The following MAP1B variants were observed in gnomAD, a reference collection of about 807,000 sequenced individuals.
MAP1B encodes microtubule-associated protein 1B.
In MAP1B, 12 loss-of-function variants were observed where a neutral mutation model predicts 176.1. The ratio of observed to expected loss-of-function variants is 0.07; its 90% CI spans 0.04 to 0.11. MAP1B has a LOEUF of 0.11. MAP1B is among the 10% of genes least tolerant of loss of function. MAP1B has a pLI of 1.00. For synonymous variants in MAP1B, 1,044 were observed against 1,135.0 expected (o/e 0.92, Z 1.61); for missense variants, 2,523 against 2,990.5 (o/e 0.84, Z 3.65).
chr5:72,156,151 A>G (rs1289573086), intron 2 of MAP1B, among the ~76,000 whole-genome samples: 1 of 152,114 alleles, frequency 6.6e-6, no homozygotes, highest in Non-Finnish European at 1.5e-5. Context: ...CTCCTTCAGA[A>G]ACACTGGTTT....
intron 4 of MAP1B, among the ~76,000 whole-genome samples, chr5:72,189,643 T>C (rs1412706137): frequency 6.6e-6 from 1 of 151,830 alleles, no homozygotes; most frequent in Admixed American, 6.6e-5. Context: ...TGCACTCAGT[T>C]ATAATCTGCA....
chr5:72,180,010 A>T, intron 2 of MAP1B: 3 of 805,918 alleles, frequency 3.7e-6, no homozygotes, highest in Non-Finnish European at 4.5e-6. Flanking sequence ...GCCAGGGGCC[A>T]CCTCGGCAGC....
intron 2 of MAP1B, among the ~76,000 whole-genome samples, chr5:72,125,240 T>C (rs1745606496): frequency 6.6e-6 from 1 of 152,088 alleles, no homozygotes. Flanking sequence ...TTGAAAGTGG[T>C]ATTTGGTGTG....
At chr5:72,109,677 A>G (rs1018129936) in intron 1 of MAP1B, among the ~76,000 whole-genome samples, 1 of 152,236 alleles carries the variant, frequency 6.6e-6, no homozygotes, top group Non-Finnish European at 1.5e-5. Context: ...CACAGCACTC[A>G]TAAGTGACAG....
chr5:72,155,142 A>T (rs537274085), intron 2 of MAP1B, among the ~76,000 whole-genome samples: 6 of 152,294 alleles, frequency 3.9e-5, no homozygotes, highest in African/African-American at 1.4e-4. Flanking sequence ...TATTTTCTAA[A>T]CTTTTTATCT....
Position 72,195,608 on chromosome 5 carries a change from A to G in MAP1B, c.2253A>G (p.Lys751=), listed in dbSNP as rs145701299. The G allele has an allele frequency of 1.0e-4, 167 of 1,614,120 alleles. No individual in the cohort carries two copies. Among genetic ancestry groups the G allele is most frequent in the Non-Finnish European group, 1.3e-4 (155 of 1,180,052 alleles). Residue 751 remains lysine (K), a synonymous_variant, in exon 5 of 7, where the codon AAA becomes AAG. Coordinates refer to ENST00000296755, the MANE Select transcript of MAP1B (RefSeq NM_005909.5). ...KSSTPLSEAK[K]PAALKPKVPK... Reference sequence around the variant, plus strand: ...CTACTCCTCTGTCTGAAGCAAAAAAACCAGCTGCTTTAAAACCAAAAGTAC... The same window carrying G: ...CTACTCCTCTGTCTGAAGCAAAAAAGCCAGCTGCTTTAAAACCAAAAGTAC...
At chr5:72,201,789 G>T (rs1002518459) in intron 5 of MAP1B, among the ~76,000 whole-genome samples, 3 of 152,116 alleles carry the variant, frequency 2.0e-5, no homozygotes, top group African/African-American at 7.2e-5. Flanking sequence ...TAAACAATAT[G>T]GAGTATCAAT....
At chr5:72,157,154 C>T (rs1456766109) in intron 2 of MAP1B, among the ~76,000 whole-genome samples, 4 of 152,180 alleles carry the variant, frequency 2.6e-5, no homozygotes, top group African/African-American at 7.2e-5. Context: ...TAATTGTAAC[C>T]GTATGCAAAT....
At chr5:72,115,415 C>T (rs1439944580) in intron 1 of MAP1B, among the ~76,000 whole-genome samples, 2 of 152,180 alleles carry the variant, frequency 1.3e-5, no homozygotes, top group Non-Finnish European at 2.9e-5. Flanking sequence ...CTGTCATTTT[C>T]CTAACAACTG....
Position 72,186,829 on chromosome 5 carries a change from G to A in MAP1B, c.510+75G>A. ...AGGTTCCTCTTTGAGAGCACTGGGG[G>A]AGACAAAAGAAGAAGGGAGGGAACC... On this transcript the variant is annotated intron_variant, in intron 4 of 6. Transcript: ENST00000296755. The surrounding 1 kb of genome is among the most constrained non-coding windows in gnomAD (Gnocchi z 4.3). The A allele has an allele frequency of 1.3e-6, 2 of 1,548,624 alleles. No homozygotes were observed. Among genetic ancestry groups the A allele is most frequent in the South Asian group, 1.1e-5 (1 of 88,162 alleles).
chr5:72,111,908 T>C (rs1384205328), intron 1 of MAP1B, among the ~76,000 whole-genome samples: 1 of 152,174 alleles, frequency 6.6e-6, no homozygotes, highest in East Asian at 1.9e-4. Flanking sequence ...TGTAAGATAT[T>C]ATCGTCATTA....
In MAP1B at chr5:72,203,778, G is replaced by T. The variant is rs1212422091; in HGVS notation, c.7228G>T (p.Ala2410Ser). Reference protein sequence around the residue: ...AVLDALLEGKAQWGSNMQVTL... With the variant: ...AVLDALLEGKSQWGSNMQVTL... Reference sequence around the variant, plus strand: ...CCTGGACGCTTTGTTGGAAGGAAAGGCTCAGTGGGGCAGCAACATGCAGGT... The same window carrying T: ...CCTGGACGCTTTGTTGGAAGGAAAGTCTCAGTGGGGCAGCAACATGCAGGT... Residue 2410 changes from alanine (A) to serine (S), a missense_variant, in exon 6 of 7, where the codon GCT becomes TCT. Coordinates refer to ENST00000296755, the MANE Select transcript of MAP1B (RefSeq NM_005909.5). The T allele has an allele frequency of 5.6e-6, 9 of 1,612,534 alleles. No individual in the cohort carries two copies. The highest frequency in any genetic ancestry group is 2.2e-5 in the East Asian group (1 of 44,892).
chr5:72,207,860 C>A lies in MAP1B; in HGVS notation c.*2621C>A, dbSNP rs930391. The A allele has an allele frequency of 0.89, 135,966 of 152,236 alleles. 61,133 individuals are homozygous for A. The highest frequency in any genetic ancestry group is 1 in the East Asian group (5,178 of 5,192). 9.4% of individuals were successfully genotyped at this position (152,236 alleles called of 1,614,324 possible). A position where few individuals can be genotyped will look rare whatever the true frequency, so the allele number is the denominator to read the frequency against. On this transcript the variant is annotated 3_prime_UTR_variant, in exon 7 of 7. Coordinates refer to ENST00000296755, the MANE Select transcript of MAP1B (RefSeq NM_005909.5). ...AATTTCACAATTAAATGTATTTAAC[C>A]TGAACATTATTTTGCTTTAAAAACT...
intron 2 of MAP1B, among the ~76,000 whole-genome samples, chr5:72,141,919 C>T (rs910188587): frequency 6.6e-6 from 1 of 152,216 alleles, no homozygotes. Flanking sequence ...CTGACCTTCC[C>T]TGCATCTTGG....
At chr5:72,174,533 AG>A (rs1032973621) in intron 2 of MAP1B, among the ~76,000 whole-genome samples, 1 of 152,182 alleles carries the variant, frequency 6.6e-6, no homozygotes, top group African/African-American at 2.4e-5. Context: ...CCATTCTGTG[AG>A]GTGAGGAAAT....
In MAP1B at chr5:72,179,620, G is replaced by A. The variant is rs1031815237; in HGVS notation, c.287-4123G>A. 108 of 985,380 alleles carry A rather than the reference G, an allele frequency of 1.1e-4. No homozygotes were observed. In the African/African-American group the frequency reaches 1.9e-3, roughly 17 times the overall value. The allele number at this position is 985,380 out of a possible 1,614,324, so 61.0% of individuals were successfully genotyped here. Reference sequence around the variant, plus strand: ...GGGCGCGTCAGGGCCCCTCTGCCAGGCTTGGCCAGATGCTGGGGCGGCCCA... The same window carrying A: ...GGGCGCGTCAGGGCCCCTCTGCCAGACTTGGCCAGATGCTGGGGCGGCCCA... On this transcript the variant is annotated intron_variant, in intron 2 of 6. Coordinates refer to ENST00000296755, the MANE Select transcript of MAP1B (RefSeq NM_005909.5).
intron 2 of MAP1B, among the ~76,000 whole-genome samples, chr5:72,152,666 T>C (rs915955683): frequency 6.6e-6 from 1 of 152,166 alleles, no homozygotes; most frequent in African/African-American, 2.4e-5. Context: ...AGGATAGTCT[T>C]GAACTCCTGA....
At chr5:72,122,984 C>T (rs1428256386) in intron 2 of MAP1B, among the ~76,000 whole-genome samples, 1 of 152,132 alleles carries the variant, frequency 6.6e-6, no homozygotes, top group Non-Finnish European at 1.5e-5. Flanking sequence ...GCAGCAACAG[C>T]AAACCATCAA....
Position 72,183,857 on chromosome 5 carries a change from G to T in MAP1B, c.369+32G>T, listed in dbSNP as rs376338864. The stretch of plus-strand genomic sequence containing the variant: ...ATTCAGCTCTGTAGAATCTGGGGCC[G>T]GGCCCCACACACTGGATAGGGACCC... On this transcript the variant is annotated intron_variant, in intron 3 of 6. Coordinates refer to ENST00000296755, the MANE Select transcript of MAP1B (RefSeq NM_005909.5). 3.1e-5 allele frequency: 49 copies of T among 1,578,268 alleles called. No homozygotes were observed. In the African/African-American group the frequency reaches 6.1e-4, roughly 20 times the overall value.
Sources: gnomAD v4.1 joint callset for allele counts (sites outside exome capture counted in the v4.1 genomes callset) on GRCh38, gnomAD v4.1.1 for gene constraint, Gnocchi (gnomAD v3.1) non-coding constraint, MANE v1.5 for transcripts, NCBI Gene and HGNC (gene_info 2026-07-23, HGNC 2026-07-21) for gene names.